Variants in SAMSN1 observed in about 807,000 individuals in gnomAD.
The protein encoded by SAMSN1 is SAM domain-containing protein SAMSN-1.
A neutral mutation model predicts 42.0 loss-of-function variants in SAMSN1; 31 were observed. That is an observed-to-expected ratio of 0.74 (90% CI 0.55 to 1.00). The LOEUF (loss-of-function observed/expected upper bound fraction) is 1.00. SAMSN1 is among the 50% of genes least tolerant of loss of function. The probability of loss-of-function intolerance (pLI) is 0.00; values close to 1 mark genes in which losing one functional copy is unlikely to be tolerated. For synonymous variants in SAMSN1, 178 were observed against 151.9 expected, an observed-to-expected ratio of 1.17 and a Z score of -1.26; for missense variants, 464 against 439.4, an observed-to-expected ratio of 1.06 and a Z score of -0.50.
chr21:14,595,958 C>G (rs938477290), intron 6 of SAMSN1, among the ~76,000 whole-genome samples: 1 of 152,060 alleles, frequency 6.6e-6, no homozygotes, highest in Admixed American at 6.6e-5. Flanking sequence ...CTAAGGAATA[C>G]CAAATAAGTC....
At chr21:14,564,077 G>A (rs916893103) in intron 2 of SAMSN1, among the ~76,000 whole-genome samples, 6 of 151,998 alleles carry the variant, frequency 3.9e-5, no homozygotes, top group African/African-American at 4.8e-5. Flanking sequence ...AAATACATTC[G>A]TTTTTTAAAA....
At position 14,523,114 on chromosome 21, in the gene SAMSN1, A is replaced by G. The variant is rs1978599759; in HGVS notation, c.58-1893T>C. 2.6e-5 allele frequency among the ~76,000 whole-genome samples: 4 copies of G among 152,296 alleles called. No individual in the cohort carries two copies. The South Asian group carries it at 8.3e-4, about 32-fold the overall frequency. On this transcript the variant is annotated intron_variant, in intron 1 of 7. Transcript: ENST00000400566. ...TGATGTTGGAGAAAACTGTTTTTGGAGGACCTGCTATATTGTCCTTTCAGA... is the reference window on the plus strand; with the variant it reads ...TGATGTTGGAGAAAACTGTTTTTGGGGGACCTGCTATATTGTCCTTTCAGA...
intron 2 of SAMSN1, among the ~76,000 whole-genome samples, chr21:14,551,968 G>T (rs1334598936): frequency 6.6e-6 from 1 of 152,104 alleles, no homozygotes; most frequent in Non-Finnish European, 1.5e-5. Flanking sequence ...TGATTAATTT[G>T]ACTGTTCGGG....
chr21:14,523,550 C>T (rs1978635781), intron 1 of SAMSN1, among the ~76,000 whole-genome samples: 1 of 152,140 alleles, frequency 6.6e-6, no homozygotes, highest in African/African-American at 2.4e-5. Context: ...TGTCATTGCT[C>T]AGCAATCACA....
At chr21:14,511,362 G>A (rs540077621) in intron 4 of SAMSN1, among the ~76,000 whole-genome samples, 7 of 152,090 alleles carry the variant, frequency 4.6e-5, no homozygotes, top group Non-Finnish European at 7.3e-5. Context: ...AGGGCTTTTC[G>A]CAGTCCATTC....
intron 7 of SAMSN1, among the ~76,000 whole-genome samples, chr21:14,494,708 CAAAAA>C (rs113601795): frequency 9.3e-6 from 1 of 107,722 alleles, no homozygotes; most frequent in African/African-American, 3.4e-5. Flanking sequence ...AAGTACAATA[CAAAAA>C]AAAAAAAAAG....
chr21:14,622,990 T>G (rs1397506375), intron 2 of SAMSN1, among the ~76,000 whole-genome samples: 1 of 152,200 alleles, frequency 6.6e-6, no homozygotes, highest in Admixed American at 6.5e-5. Flanking sequence ...AAAAGAATTT[T>G]CAACCCAGAA....
chr21:14,599,690 T>C (rs1982377812), intron 6 of SAMSN1, among the ~76,000 whole-genome samples: 1 of 152,080 alleles, frequency 6.6e-6, no homozygotes, highest in African/African-American at 2.4e-5. Flanking sequence ...CTGCCTTGCT[T>C]CCTCTTTTGC....
At chr21:14,489,175 A>G (rs1323914931) in intron 7 of SAMSN1, among the ~76,000 whole-genome samples, 2 of 152,178 alleles carry the variant, frequency 1.3e-5, no homozygotes, top group Admixed American at 6.6e-5. Flanking sequence ...CCAGAAATTG[A>G]AACCATAACC....
rs575000097 is a variant in SAMSN1 at position 14,509,178 on chromosome 21, A to G, written c.561+1132T>C. Among the ~76,000 whole-genome samples the G allele has an allele frequency of 3.3e-5, 5 of 151,500 alleles. No homozygotes were observed. The South Asian group carries it at 1.1e-3, about 32-fold the overall frequency. ...AGAAAAGAAAGGAAAGGAAAGGAAA[A>G]GAAAACCATGGTGTATATATATACA... On this transcript the variant is annotated intron_variant, in intron 5 of 7. Coordinates refer to ENST00000400566, the MANE Select transcript of SAMSN1 (RefSeq NM_022136.5).
chr21:14,549,258 A>G (rs1218947790), upstream of SAMSN1, among the ~76,000 whole-genome samples: 1 of 152,198 alleles, frequency 6.6e-6, no homozygotes, highest in East Asian at 1.9e-4. Flanking sequence ...CGATTCTGAG[A>G]CATTGAGGAT....
chr21:14,498,514 CA>C lies in SAMSN1; in HGVS notation c.846del (p.Ile282MetfsTer3). ...DLKDIKESHLIELNIENPDDR... is the reference protein window; with the variant it reads ...DLKDIKESHLXELNIENPDDR... Reference sequence around the variant, plus strand: ...TCATCTGGGTTTTCAATATTTAATTCAATGAGGTGACTCTCTTTTATATCTT... The same window carrying C: ...TCATCTGGGTTTTCAATATTTAATTCATGAGGTGACTCTCTTTTATATCTT... On this transcript the variant is annotated frameshift_variant, in exon 7 of 8. Transcript: ENST00000400566. LOFTEE classifies it high-confidence loss of function. The C allele has an allele frequency of 1.2e-6, 2 of 1,610,610 alleles. No homozygotes were observed. Among genetic ancestry groups the C allele is most frequent in the Non-Finnish European group, 1.7e-6 (2 of 1,178,400 alleles).
chr21:14,605,966 C>G (rs1474268984), intron 5 of SAMSN1, among the ~76,000 whole-genome samples: 1 of 151,898 alleles, frequency 6.6e-6, no homozygotes, highest in Non-Finnish European at 1.5e-5. Context: ...CTCAGCCTCC[C>G]TAGTAGCTGG....
intron 3 of SAMSN1, among the ~76,000 whole-genome samples, chr21:14,513,337 A>C (rs934440403): frequency 6.6e-6 from 1 of 152,198 alleles, no homozygotes; most frequent in Non-Finnish European, 1.5e-5. Context: ...ATATACACTC[A>C]GTTTGATTCT....
intron 2 of SAMSN1, among the ~76,000 whole-genome samples, chr21:14,552,219 A>G (rs1600926108): frequency 1.3e-5 from 2 of 152,056 alleles, no homozygotes; most frequent in East Asian, 1.9e-4. Flanking sequence ...ACCCTTGATA[A>G]TAATCATTGT....
At chr21:14,627,941 G>C (rs1983226921) in intron 2 of SAMSN1, among the ~76,000 whole-genome samples, 1 of 152,158 alleles carries the variant, frequency 6.6e-6, no homozygotes, top group East Asian at 1.9e-4. Context: ...CCCTTGTCTG[G>C]GGAGCACCAT....
intron 1 of SAMSN1, among the ~76,000 whole-genome samples, chr21:14,533,850 A>G (rs1684784049): frequency 6.6e-6 from 1 of 152,246 alleles, no homozygotes; most frequent in African/African-American, 2.4e-5. Flanking sequence ...ATTAAGTGGT[A>G]TTAAGACTAG....
chr21:14,643,258 G>A (rs1408970576), intron 1 of SAMSN1: 2 of 584,022 alleles, frequency 3.4e-6, no homozygotes, highest in African/African-American at 3.7e-5. Context: ...TAGGGATTAA[G>A]AGTTTACAGT....
chr21:14,586,958 G>C (rs1012354682), upstream of SAMSN1, among the ~76,000 whole-genome samples: 1 of 152,154 alleles, frequency 6.6e-6, no homozygotes. Flanking sequence ...GCCCATGAAG[G>C]GAAAGAAAGG....
Sources: allele counts gnomAD v4.1 joint callset (sites outside exome capture counted in the v4.1 genomes callset), GRCh38; gene constraint gnomAD v4.1.1; transcripts MANE v1.5; gene names NCBI Gene and HGNC (gene_info 2026-07-23, HGNC 2026-07-21).